Variants in MARK3 observed in about 807,000 individuals in gnomAD.
The protein encoded by MARK3 is microtubule affinity regulating kinase 3, also known as MAP/microtubule affinity-regulating kinase 3.
Under a neutral mutation model 90.1 loss-of-function variants are expected in MARK3, and 46 were observed. The observed-to-expected ratio is 0.51, with a 90% CI of 0.40 to 0.65. The LOEUF (loss-of-function observed/expected upper bound fraction) is 0.65. Ranked by LOEUF, MARK3 falls within the 30% of genes least tolerant of loss-of-function variation. The probability of loss-of-function intolerance (pLI) is 0.00; values close to 1 mark genes in which losing one functional copy is unlikely to be tolerated. For synonymous variants in MARK3, 321 were observed against 332.6 expected (o/e 0.97, Z 0.38); for missense variants, 818 against 947.2 (o/e 0.86, Z 1.79).
In MARK3 at chr14:103,462,555, T is replaced by C. The variant is rs2093422914; in HGVS notation, c.540+94T>C. On this transcript the variant is annotated intron_variant, in intron 7 of 17. Transcript: ENST00000429436. The stretch of plus-strand genomic sequence containing the variant: ...ACAAATGAGGTATAGATTAGCCTTA[T>C]TAGCATTTTTTAAAATCCCACAATA... 3.8e-6 allele frequency: 3 copies of C among 782,792 alleles called. No individual in the cohort carries two copies. The East Asian group carries it at 8.1e-5, about 21-fold the overall frequency. 48.5% of individuals were successfully genotyped at this position (782,792 alleles called of 1,614,324 possible).
At chr14:103,489,768 T>G (rs2093986747) in intron 14 of MARK3, 1 of 152,234 alleles carries the variant, frequency 6.6e-6, no homozygotes, top group African/African-American at 2.4e-5. Flanking sequence ...AAACTGCCCT[T>G]GAATTCCAAG....
chr14:103,423,111 C>T (rs1290740167), intron 2 of MARK3, among the ~76,000 whole-genome samples: 1 of 149,578 alleles, frequency 6.7e-6, no homozygotes, highest in Middle Eastern at 3.4e-3. Context: ...CTGTTAAGTC[C>T]CCCAGTGTGT....
In MARK3 at chr14:103,399,024, A is replaced by G. The variant is rs78938152; in HGVS notation, c.52-6052A>G. Among the ~76,000 whole-genome samples the G allele has an allele frequency of 1.9e-3, 284 of 152,286 alleles. 8 individuals carry two copies. The East Asian group carries it at 0.051, about 28-fold the overall frequency. ...TTGCTGTTTTAAACTTGTAAACCTG[A>G]TTCTTCTCATGTGGGAGGTACGTAA... On this transcript the variant is annotated intron_variant, in intron 1 of 17. Coordinates refer to ENST00000429436, the MANE Select transcript of MARK3 (RefSeq NM_001128918.3).
intron 15 of MARK3, among the ~76,000 whole-genome samples, chr14:103,495,031 A>G (rs2075262333): frequency 6.6e-6 from 1 of 152,186 alleles, no homozygotes; most frequent in South Asian, 2.1e-4. Context: ...TGAGTATCAT[A>G]TATATACACT....
chr14:103,449,538 G>T (rs1304771158), intron 4 of MARK3, among the ~76,000 whole-genome samples: 4 of 152,134 alleles, frequency 2.6e-5, no homozygotes, highest in Admixed American at 2.6e-4. Context: ...TGGAATACTT[G>T]CTATCTAATG....
chr14:103,403,329 TGTGTG>T (rs1566776263), intron 1 of MARK3, among the ~76,000 whole-genome samples: 6 of 348 alleles, frequency 0.017, no homozygotes, highest in East Asian at 0.17. Flanking sequence ...TGCCTGGTTG[TGTGTG>T]TGTGTGTGTG....
rs146633059 is a variant in MARK3, at chr14:103,495,982, C to T, written c.1845-2520C>T. ...GGGCTGCAGTCAGGAAGCCTGCACTCTGCTTGGAGAGCACATGGCTTTGGA... is the reference window on the plus strand; with the variant it reads ...GGGCTGCAGTCAGGAAGCCTGCACTTTGCTTGGAGAGCACATGGCTTTGGA... On this transcript the variant is annotated intron_variant, in intron 15 of 17. Coordinates refer to ENST00000429436, the MANE Select transcript of MARK3 (RefSeq NM_001128918.3). Among the ~76,000 whole-genome samples, 415 of 152,340 alleles carry T rather than the reference C, an allele frequency of 2.7e-3. 2 individuals carry two copies. Among genetic ancestry groups the T allele is most frequent in the African/African-American group, 9.5e-3 (397 of 41,582 alleles).
At chr14:103,482,206 AT>A (rs960022806) in intron 14 of MARK3, among the ~76,000 whole-genome samples, 5 of 152,068 alleles carry the variant, frequency 3.3e-5, no homozygotes, top group African/African-American at 1.2e-4. Flanking sequence ...GGTGTTACAG[AT>A]TGTAGTCTAC....
Position 103,503,366 on chromosome 14 carries a change from T to G in MARK3, c.*139T>G. 1 of 825,052 alleles carries G rather than the reference T, an allele frequency of 1.2e-6. No individual in the cohort carries two copies. The highest frequency in any genetic ancestry group is 1.8e-6 in the Non-Finnish European group (1 of 542,090). 51.1% of individuals were successfully genotyped at this position (825,052 alleles called of 1,614,324 possible). On this transcript the variant is annotated 3_prime_UTR_variant, in exon 18 of 18. Coordinates refer to ENST00000429436, the MANE Select transcript of MARK3 (RefSeq NM_001128918.3). ...TAAAGTCTGAGGACGAGAGCACGCC[T>G]GGGAGCGAAAGCTGGCCTTTTTTCT...
In MARK3 at chr14:103,407,554, C is replaced by CTTTTTTTTT. The variant is rs71460673; in HGVS notation, c.243+2304_243+2312dup. Among the ~76,000 whole-genome samples the CTTTTTTTTT allele has an allele frequency of 1.1e-3, 81 of 71,666 alleles. 6 individuals carry two copies. The highest frequency in any genetic ancestry group is 2.1e-3 in the East Asian group (4 of 1,870). 47.0% of individuals were successfully genotyped at this position (71,666 alleles called of 152,430 possible). On this transcript the variant is annotated intron_variant, in intron 2 of 17. Transcript: ENST00000429436. ...ATATGGTACAGAGCCTGTTTTGCCT[C>CTTTTTTTTT]TTTTTTTTTTTTTTTTTTTTTTTTT...
intron 12 of MARK3, among the ~76,000 whole-genome samples, chr14:103,473,210 T>C (rs905948099): frequency 2.0e-5 from 3 of 152,174 alleles, no homozygotes; most frequent in Admixed American, 6.6e-5. Context: ...GAAGTGGCTG[T>C]GGCTATGAAA....
rs71126012 is a variant in MARK3 at position 103,391,709 on chromosome 14, A to ATTTTT, written c.51+5653_51+5657dup. Among the ~76,000 whole-genome samples the ATTTTT allele has an allele frequency of 7.2e-4, 50 of 69,692 alleles. 11 individuals carry two copies. The highest frequency in any genetic ancestry group is 3.6e-3 in the African/African-American group (47 of 13,090). 45.7% of individuals were successfully genotyped at this position (69,692 alleles called of 152,430 possible). ...CAGGCTCCCGCCACCATGCCTGGCT[A>ATTTTT]TTTTTTTTTTTTTTTTTTTTTTTTT... On this transcript the variant is annotated intron_variant, in intron 1 of 17. Coordinates refer to ENST00000429436, the MANE Select transcript of MARK3 (RefSeq NM_001128918.3).
chr14:103,419,407 T>A (rs1445069641), intron 2 of MARK3, among the ~76,000 whole-genome samples: 2 of 152,222 alleles, frequency 1.3e-5, no homozygotes, highest in Non-Finnish European at 2.9e-5. Context: ...AAAATATATA[T>A]TAATTCATCA....
intron 6 of MARK3, among the ~76,000 whole-genome samples, chr14:103,459,119 C>T (rs2093342577): frequency 6.6e-6 from 1 of 152,098 alleles, no homozygotes; most frequent in Admixed American, 6.6e-5. Flanking sequence ...TAAAAGGGAA[C>T]ATTTTTTTGC....
intron 2 of MARK3, chr14:103,417,500 G>T (rs1423487069): frequency 6.6e-6 from 1 of 152,072 alleles, no homozygotes; most frequent in Non-Finnish European, 1.5e-5. Flanking sequence ...TTTCTTTCTG[G>T]AAGTTTATCC....
chr14:103,415,472 TCC>T (rs1205096417), intron 2 of MARK3, among the ~76,000 whole-genome samples: 5 of 152,226 alleles, frequency 3.3e-5, no homozygotes, highest in Admixed American at 3.3e-4. Flanking sequence ...CTACCCATTA[TCC>T]ATATTGTCCT....
rs962201444 is a variant in MARK3 at position 103,412,795 on chromosome 14, T to C, written c.243+7528T>C. Reference sequence around the variant, plus strand: ...ATGCCACGCTAACCAGAAAAGAGGGTTTAGTTGGTTTTATAAATTATTAAT... The same window carrying C: ...ATGCCACGCTAACCAGAAAAGAGGGCTTAGTTGGTTTTATAAATTATTAAT... On this transcript the variant is annotated intron_variant, in intron 2 of 17. Coordinates refer to ENST00000429436, the MANE Select transcript of MARK3 (RefSeq NM_001128918.3). 1.4e-5 allele frequency: 6 copies of C among 420,804 alleles called. No homozygotes were observed. The Admixed American group carries it at 2.1e-4, about 14-fold the overall frequency. 26.1% of individuals were successfully genotyped at this position (420,804 alleles called of 1,614,324 possible). A position where few individuals can be genotyped will look rare whatever the true frequency, so the allele number is the denominator to read the frequency against.
At position 103,445,475 on chromosome 14, in the gene MARK3, G is replaced by A. The variant is rs933987606; in HGVS notation, c.298-3444G>A. ...AGAGGTGAATACATAAAGTTATTTGGGCTAATATCCTGCCACTACCTCTCT... is the reference window on the plus strand; with the variant it reads ...AGAGGTGAATACATAAAGTTATTTGAGCTAATATCCTGCCACTACCTCTCT... On this transcript the variant is annotated intron_variant, in intron 3 of 17. Coordinates refer to ENST00000429436, the MANE Select transcript of MARK3 (RefSeq NM_001128918.3). Among the ~76,000 whole-genome samples, 5 of 152,064 alleles carry A rather than the reference G, an allele frequency of 3.3e-5. 1 individual carries two copies. Among genetic ancestry groups the A allele is most frequent in the African/African-American group, 1.2e-4 (5 of 41,400 alleles).
chr14:103,419,160 C>T (rs764825127), intron 2 of MARK3, among the ~76,000 whole-genome samples: 22 of 152,178 alleles, frequency 1.4e-4, no homozygotes, highest in Middle Eastern at 3.4e-3. Flanking sequence ...GGCGTGGTGG[C>T]GGGCGCCTGT....
Sources: allele counts gnomAD v4.1 joint callset (sites outside exome capture counted in the v4.1 genomes callset), GRCh38; gene constraint gnomAD v4.1.1; transcripts MANE v1.5; gene names NCBI Gene and HGNC (gene_info 2026-07-23, HGNC 2026-07-21).